Variants in CAST observed in about 807,000 individuals in gnomAD.
CAST encodes MIR583 host.
CAST carries 76 observed loss-of-function variants against 119.6 expected under a neutral mutation model. That is an observed-to-expected ratio of 0.64 (90% CI 0.53 to 0.77). The LOEUF is 0.77. CAST is among the 30% of genes least tolerant of loss of function. The pLI, the probability that CAST is intolerant of heterozygous loss-of-function variation, is 0.00. For synonymous variants in CAST, 319 were observed against 331.6 expected (o/e 0.96, Z 0.41); for missense variants, 953 against 946.5 (o/e 1.01, Z -0.09).
the CAST span, among the ~76,000 whole-genome samples, chr5:96,490,360 G>A: frequency 6.6e-6 from 1 of 150,948 alleles, no homozygotes; most frequent in Admixed American, 6.6e-5. Flanking sequence ...GTGTCTGTGT[G>A]TGTGTGTGTG....
At chr5:96,599,907 A>C (rs1449141512) in intron 1 of CAST, among the ~76,000 whole-genome samples, 2 of 148,752 alleles carry the variant, frequency 1.3e-5, no homozygotes, top group African/African-American at 5.1e-5. Flanking sequence ...GAGCTTATTT[A>C]ATTCCCACAT....
rs573624145 is a variant in CAST, at chr5:96,663,757, A to G, written c.75+1260A>G. On this transcript the variant is annotated intron_variant, in intron 1 of 31. Transcript: ENST00000675179. ...GCGAGAAAGTGAGAGAGGGAGGGAGAGAGAGACAGCGCGCACAAAAGCGAG... is the reference window on the plus strand; with the variant it reads ...GCGAGAAAGTGAGAGAGGGAGGGAGGGAGAGACAGCGCGCACAAAAGCGAG... 5.8e-4 allele frequency among the ~76,000 whole-genome samples: 88 copies of G among 152,168 alleles called. 1 individual carries two copies. Among genetic ancestry groups the G allele is most frequent in the African/African-American group, 2.1e-3 (86 of 41,512 alleles).
At chr5:96,042,200 T>C in the CAST span, among the ~76,000 whole-genome samples, 1 of 152,224 alleles carries the variant, frequency 6.6e-6, no homozygotes, top group East Asian at 1.9e-4. Context: ...AAAAAAGCTG[T>C]GGGACATTAT....
chr5:96,264,196 C>T, the CAST span, among the ~76,000 whole-genome samples: 1 of 152,162 alleles, frequency 6.6e-6, no homozygotes, highest in Non-Finnish European at 1.5e-5. Context: ...TGTTTGTGCA[C>T]AGTTTAAACA....
the CAST span, among the ~76,000 whole-genome samples, chr5:96,092,135 C>A: frequency 6.6e-6 from 1 of 152,068 alleles, no homozygotes; most frequent in African/African-American, 2.4e-5. Flanking sequence ...TTGAAGACAC[C>A]CCTTTGACAT....
intron 3 of CAST, among the ~76,000 whole-genome samples, chr5:96,708,328 T>C (rs1354014621): frequency 2.0e-5 from 3 of 152,248 alleles, no homozygotes; most frequent in African/African-American, 7.2e-5. Flanking sequence ...CTGTGCTGCA[T>C]TGTGATTAAT....
chr5:96,099,039 C>T, the CAST span, among the ~76,000 whole-genome samples: 3 of 152,066 alleles, frequency 2.0e-5, no homozygotes, highest in Admixed American at 1.3e-4. Flanking sequence ...GATCTTTCAC[C>T]TCCCTAGTGA....
At chr5:96,165,737 T>C in the CAST span, among the ~76,000 whole-genome samples, 1 of 152,212 alleles carries the variant, frequency 6.6e-6, no homozygotes, top group African/African-American at 2.4e-5. Context: ...ATCACCTGTA[T>C]TTTCATTTAT....
the CAST span, among the ~76,000 whole-genome samples, chr5:96,361,490 C>A: frequency 5.3e-5 from 8 of 152,184 alleles, no homozygotes; most frequent in Non-Finnish European, 1.2e-4. Flanking sequence ...TCCTGGACTG[C>A]AGGTTGTGAA....
At chr5:96,178,867 G>A in the CAST span, among the ~76,000 whole-genome samples, 9 of 152,076 alleles carry the variant, frequency 5.9e-5, no homozygotes, top group Non-Finnish European at 7.4e-5. Context: ...CTATTTATAC[G>A]GGCCTCATTC....
intron 10 of CAST, 39 bp downstream of exon 10, chr5:96,736,279 C>T (rs1383133552): frequency 3.2e-6 from 4 of 1,232,856 alleles, no homozygotes; most frequent in Non-Finnish European, 4.7e-6. Flanking sequence ...GAGACAGTTA[C>T]TCATATGCTC....
At chr5:96,624,240 G>C (rs999149293) in intron 1 of CAST, among the ~76,000 whole-genome samples, 2 of 152,180 alleles carry the variant, frequency 1.3e-5, no homozygotes, top group Non-Finnish European at 2.9e-5. Flanking sequence ...TTTTGGTTTT[G>C]TCTACGCACA....
At chr5:96,236,969 C>T in the CAST span, among the ~76,000 whole-genome samples, 5 of 152,212 alleles carry the variant, frequency 3.3e-5, no homozygotes, top group Admixed American at 3.3e-4. Context: ...GTCAGAAGTA[C>T]TGTCTTCTTC....
At chr5:96,595,997 G>T (rs892082505) in intron 1 of CAST, among the ~76,000 whole-genome samples, 1 of 152,186 alleles carries the variant, frequency 6.6e-6, no homozygotes, top group South Asian at 2.1e-4. Flanking sequence ...GCAGAGAGCT[G>T]CAAATGGGGT....
At chr5:96,679,844 A>G (rs974453686) in intron 2 of CAST, among the ~76,000 whole-genome samples, 12 of 152,012 alleles carry the variant, frequency 7.9e-5, no homozygotes, top group African/African-American at 2.9e-4. Flanking sequence ...TTTTTTAATC[A>G]CAAAAGTAAT....
intron 3 of CAST, among the ~76,000 whole-genome samples, chr5:96,705,834 T>C (rs904687402): frequency 2.0e-5 from 3 of 152,182 alleles, no homozygotes; most frequent in Admixed American, 6.5e-5. Flanking sequence ...GTTATGCTCG[T>C]TTTACAGATT....
chr5:96,575,833 G>A (rs1471493963), intron 1 of CAST, among the ~76,000 whole-genome samples: 2 of 151,850 alleles, frequency 1.3e-5, no homozygotes, highest in Admixed American at 1.3e-4. Context: ...TGTAGCAATG[G>A]GGTCACACTA....
chr5:96,691,986 T>C (rs1752777378), intron 2 of CAST, among the ~76,000 whole-genome samples: 1 of 152,194 alleles, frequency 6.6e-6, no homozygotes, highest in African/African-American at 2.4e-5. Context: ...TCTGATTGAC[T>C]CAGTAAAAAA....
chr5:96,299,206 T>C, the CAST span, among the ~76,000 whole-genome samples: 3 of 151,754 alleles, frequency 2.0e-5, no homozygotes, highest in South Asian at 2.1e-4. Context: ...GATCGCACCA[T>C]TGCACTCCAG....
Sources: allele counts gnomAD v4.1 joint callset (sites outside exome capture counted in the v4.1 genomes callset), GRCh38; gene constraint gnomAD v4.1.1; transcripts MANE v1.5; gene names NCBI Gene and HGNC (gene_info 2026-07-23, HGNC 2026-07-21).